Variants in PIP5K1B observed in about 807,000 individuals in gnomAD.
The protein encoded by PIP5K1B is phosphatidylinositol 4-phosphate 5-kinase type-1 beta.
Under a neutral mutation model 67.0 loss-of-function variants are expected in PIP5K1B, and 42 were observed. The ratio of observed to expected loss-of-function variants is 0.63; its 90% confidence interval spans 0.49 to 0.81. PIP5K1B has a LOEUF of 0.81. Ranked by LOEUF, PIP5K1B falls within the 30% of genes least tolerant of loss-of-function variation. The pLI is 0.00. For synonymous variants in PIP5K1B, 214 were observed against 231.4 expected (o/e 0.92, Z 0.68); for missense variants, 459 against 646.3 (o/e 0.71, Z 3.14).
intron 14 of PIP5K1B, among the ~76,000 whole-genome samples, chr9:68,975,649 A>G (rs1335377364): frequency 6.6e-6 from 1 of 152,208 alleles, no homozygotes; most frequent in Non-Finnish European, 1.5e-5. Context: ...CTTAAACAAC[A>G]GAAATTTGTC....
Position 68,737,766 on chromosome 9 carries a change from T to A in PIP5K1B, c.-242-4735T>A, listed in dbSNP as rs369097680. 2.6e-4 allele frequency among the ~76,000 whole-genome samples: 40 copies of A among 152,384 alleles called. No homozygotes were observed. The South Asian group carries it at 5.4e-3, about 20-fold the overall frequency. ...GTGAAATGCACCCTTGCAAAATTTC[T>A]GAACTATCATCATATAAATTATTTA... On this transcript the variant is annotated intron_variant, in intron 1 of 15. Coordinates refer to ENST00000265382, the MANE Select transcript of PIP5K1B (RefSeq NM_003558.4).
rs543306050 is a variant in PIP5K1B, at chr9:68,939,794, G to A, written c.1358-852G>A. On this transcript the variant is annotated intron_variant, in intron 13 of 15. Transcript: ENST00000265382. ...TCATACGAGAATCCCTGTTAGGGTC[G>A]GTTTATATTTACACACTAAAAATCT... Among the ~76,000 whole-genome samples the A allele has an allele frequency of 3.3e-5, 5 of 152,210 alleles. No homozygotes were observed. In the South Asian group the frequency reaches 8.3e-4, roughly 25 times the overall value.
At chr9:68,937,274 G>A (rs551787192) in intron 13 of PIP5K1B, among the ~76,000 whole-genome samples, 1 of 152,160 alleles carries the variant, frequency 6.6e-6, no homozygotes, top group Non-Finnish European at 1.5e-5. Flanking sequence ...ATTAATTACT[G>A]CCTCAATTTC....
chr9:68,869,372 G>C (rs772740499), intron 5 of PIP5K1B, among the ~76,000 whole-genome samples: 5 of 152,166 alleles, frequency 3.3e-5, no homozygotes, highest in Non-Finnish European at 7.4e-5. Context: ...ATCTGAGATG[G>C]AACAGTTTCA....
chr9:69,006,272 A>G (rs1831071708), intron 15 of PIP5K1B, among the ~76,000 whole-genome samples: 1 of 152,072 alleles, frequency 6.6e-6, no homozygotes, highest in African/African-American at 2.4e-5. Flanking sequence ...ATCATTCTCA[A>G]CCACTGAGTC....
chr9:68,909,725 C>G (rs958460674), intron 8 of PIP5K1B, among the ~76,000 whole-genome samples: 7 of 152,210 alleles, frequency 4.6e-5, no homozygotes, highest in Non-Finnish European at 8.8e-5. Context: ...CAGGTTGAGT[C>G]AGTCAGATTT....
intron 4 of PIP5K1B, among the ~76,000 whole-genome samples, chr9:68,859,321 T>C (rs1822939253): frequency 6.6e-6 from 1 of 152,244 alleles, no homozygotes; most frequent in South Asian, 2.1e-4. Flanking sequence ...ACAGAGGAGC[T>C]GTGAAACTAA....
chr9:68,889,653 T>G (rs1824666297), intron 7 of PIP5K1B, among the ~76,000 whole-genome samples: 1 of 147,234 alleles, frequency 6.8e-6, no homozygotes, highest in African/African-American at 2.5e-5. Context: ...GAGAATGGCA[T>G]GAACCCGGGA....
intron 5 of PIP5K1B, among the ~76,000 whole-genome samples, chr9:68,871,048 C>T (rs970059845): frequency 6.6e-6 from 1 of 152,196 alleles, no homozygotes; most frequent in Non-Finnish European, 1.5e-5. Flanking sequence ...TCCAGTGCCA[C>T]CAAAACTAGC....
At chr9:68,841,706 C>G (rs1342032018) in intron 4 of PIP5K1B, among the ~76,000 whole-genome samples, 2 of 152,052 alleles carry the variant, frequency 1.3e-5, no homozygotes, top group Non-Finnish European at 2.9e-5. Flanking sequence ...GACCTTTTTT[C>G]TTGAAAGTAA....
At chr9:68,790,461 A>G (rs1019165938) in intron 2 of PIP5K1B, among the ~76,000 whole-genome samples, 7 of 152,374 alleles carry the variant, frequency 4.6e-5, no homozygotes, top group South Asian at 4.1e-4. Context: ...GTAAATATTT[A>G]GAAATCACTT....
At chr9:68,896,942 TCCC>T (rs1825119014) in intron 8 of PIP5K1B, among the ~76,000 whole-genome samples, 1 of 152,122 alleles carries the variant, frequency 6.6e-6, no homozygotes, top group Non-Finnish European at 1.5e-5. Context: ...CCTTCCTTCT[TCCC>T]CAAGGCTCAG....
intron 2 of PIP5K1B, among the ~76,000 whole-genome samples, chr9:68,760,783 C>A (rs141713060): frequency 1.3e-5 from 2 of 152,012 alleles, no homozygotes; most frequent in Non-Finnish European, 2.9e-5. Context: ...CACAAATATG[C>A]TAAAAATAAA....
intron 8 of PIP5K1B, among the ~76,000 whole-genome samples, chr9:68,905,208 G>T (rs1429421181): frequency 6.6e-6 from 1 of 152,074 alleles, no homozygotes; most frequent in Non-Finnish European, 1.5e-5. Context: ...TGCCCCCAAG[G>T]ACCCCTCTTC....
chr9:68,943,105 A>G (rs999189351), intron 14 of PIP5K1B, among the ~76,000 whole-genome samples: 6 of 152,148 alleles, frequency 3.9e-5, no homozygotes, highest in African/African-American at 1.4e-4. Flanking sequence ...CCCTTTAAAA[A>G]CCAAACAACT....
rs550145914 is a variant in PIP5K1B at position 68,973,614 on chromosome 9, G to A, written c.1503-17526G>A. 4.6e-5 allele frequency among the ~76,000 whole-genome samples: 7 copies of A among 152,118 alleles called. No individual in the cohort carries two copies. The South Asian group carries it at 1.0e-3, about 23-fold the overall frequency. ...TAAACAGTGTAAAATTATGGGGAGC[G>A]TATTTGTGGTTCTTAACCAAGGGCC... On this transcript the variant is annotated intron_variant, in intron 14 of 15. Transcript: ENST00000265382.
At chr9:68,719,860 G>T (rs1827802147) in intron 1 of PIP5K1B, among the ~76,000 whole-genome samples, 1 of 152,154 alleles carries the variant, frequency 6.6e-6, no homozygotes, top group South Asian at 2.1e-4. Context: ...TTTATAGAAG[G>T]AATAGTCTTT....
At chr9:68,770,736 TAGA>T (rs1032955744) in intron 2 of PIP5K1B, among the ~76,000 whole-genome samples, 70 of 152,260 alleles carry the variant, frequency 4.6e-4, no homozygotes, top group African/African-American at 1.4e-3. Context: ...TGATCTGAAG[TAGA>T]AGATCCCCCT....
chr9:68,769,409 A>T (rs1318391352), intron 2 of PIP5K1B, among the ~76,000 whole-genome samples: 1 of 152,120 alleles, frequency 6.6e-6, no homozygotes, highest in Non-Finnish European at 1.5e-5. Flanking sequence ...CAGATCTGTT[A>T]GGTATTCGAA....
Sources: allele counts gnomAD v4.1 joint callset (sites outside exome capture counted in the v4.1 genomes callset), GRCh38; gene constraint gnomAD v4.1.1; transcripts MANE v1.5; gene names NCBI Gene and HGNC (gene_info 2026-07-23, HGNC 2026-07-21).